Variants in SNAI1 observed in about 807,000 individuals in gnomAD.
The protein encoded by SNAI1 is zinc finger protein SNAI1.
In SNAI1, 15 loss-of-function variants were observed where a neutral mutation model predicts 24.7. The ratio of observed to expected loss-of-function variants is 0.61; its 90% CI spans 0.41 to 0.93. The LOEUF is 0.93. Among genes scored for constraint, SNAI1 ranks in the 40% least tolerant of loss-of-function variants. The pLI is 0.00. For missense variants in SNAI1, 283 were observed against 336.7 expected (o/e 0.84, Z 1.25); for synonymous variants, 163 against 142.9 (o/e 1.14, Z -1.00).
At chr20:49,986,276 C>T (rs1167697567) in intron 2 of SNAI1, among the ~76,000 whole-genome samples, 1 of 152,194 alleles carries the variant, frequency 6.6e-6, no homozygotes, top group Non-Finnish European at 1.5e-5. Context: ...CACCCCTCCC[C>T]CAATCCTCTA....
In SNAI1 at chr20:49,983,949, C is replaced by T. The variant is rs556428881; in HGVS notation, c.208C>T (p.Gln70Ter). The T allele has an allele frequency of 1.2e-6, 2 of 1,613,508 alleles. No homozygotes were observed. Among genetic ancestry groups the T allele is most frequent in the Non-Finnish European group, 1.7e-6 (2 of 1,179,950 alleles). The change falls in exon 2 of 3, where the codon CAG becomes TAG. Residue 70 changes from glutamine (Q) to a stop codon, truncating the protein, a stop_gained. Transcript: ENST00000244050. LOFTEE classifies it high-confidence loss of function. ...IWDSVLAPQA[Q>*]PIAWASLRLQ... ...GGACTCTGTCCTGGCGCCCCAAGCC[C>T]AGCCAATTGCCTGGGCCTCCCTTCG...
In SNAI1 at chr20:49,988,131, C is replaced by T; in HGVS notation, c.*75C>T. On this transcript the variant is annotated 3_prime_UTR_variant, in exon 3 of 3. Transcript: ENST00000244050. ...TCCCCAGCTCCAGCAGGAAGGACCCCACATCCTTCTCACTGCCATGGAATT... is the reference window on the plus strand; with the variant it reads ...TCCCCAGCTCCAGCAGGAAGGACCCTACATCCTTCTCACTGCCATGGAATT... 7.6e-7 allele frequency: 1 copy of T among 1,318,196 alleles called. No homozygotes were observed. The highest frequency in any genetic ancestry group is 1.0e-6 in the Non-Finnish European group (1 of 953,416). 81.7% of individuals were successfully genotyped at this position (1,318,196 alleles called of 1,614,324 possible). A position where few individuals can be genotyped will look rare whatever the true frequency, so the allele number is the denominator to read the frequency against.
intron 2 of SNAI1, among the ~76,000 whole-genome samples, chr20:49,987,310 C>T (rs894186039): frequency 1.3e-5 from 2 of 152,114 alleles, no homozygotes; most frequent in South Asian, 2.1e-4. Flanking sequence ...CTGGCTTTGG[C>T]CCCCAACAGA....
In SNAI1 at chr20:49,983,968, C is replaced by T; in HGVS notation, c.227C>T (p.Ser76Phe). The change falls in exon 2 of 3, where the codon TCC becomes TTC. Residue 76 changes from serine (S) to phenylalanine (F), a missense_variant. Physicochemically the swap from Ser to Phe is radical, Grantham distance 155. Transcript: ENST00000244050. The stretch of plus-strand genomic sequence containing the variant: ...CAAGCCCAGCCAATTGCCTGGGCCT[C>T]CCTTCGGCTCCAGGAGAGTCCCAGG... ...APQAQPIAWA[S>F]LRLQESPRVA... 1.2e-6 allele frequency: 2 copies of T among 1,613,640 alleles called. No individual in the cohort carries two copies. The highest frequency in any genetic ancestry group is 1.7e-6 in the Non-Finnish European group (2 of 1,179,980).
chr20:49,983,945 A>C lies in SNAI1; in HGVS notation c.204A>C (p.Gln68His), dbSNP rs754357479. 5 of 1,613,544 alleles carry C rather than the reference A, an allele frequency of 3.1e-6. No individual in the cohort carries two copies. The highest frequency in any genetic ancestry group is 1.7e-5 in the Admixed American group (1 of 60,010). Residue 68 changes from glutamine (Q) to histidine (H), a missense_variant, in exon 2 of 3, where the codon CAA (glutamine) becomes CAC (histidine). By Grantham distance (24) the Gln-to-His change is conservative. Coordinates refer to ENST00000244050, the MANE Select transcript of SNAI1 (RefSeq NM_005985.4). The stretch of plus-strand genomic sequence containing the variant: ...TCTGGGACTCTGTCCTGGCGCCCCA[A>C]GCCCAGCCAATTGCCTGGGCCTCCC... ...MLIWDSVLAPQAQPIAWASLR... is the reference protein window; with the variant it reads ...MLIWDSVLAPHAQPIAWASLR...
rs933152976 is a variant in SNAI1 at position 49,988,334 on chromosome 20, G to C, written c.*278G>C. On this transcript the variant is annotated 3_prime_UTR_variant, in exon 3 of 3. Transcript: ENST00000244050. ...ATTCCTGAGCTGGCCTGTCTGCGTG[G>C]GTTTTTGTATCCAGAGCTGTTTGGA... 7 of 405,166 alleles carry C rather than the reference G, an allele frequency of 1.7e-5. No individual in the cohort carries two copies. The highest frequency in any genetic ancestry group is 1.3e-3 in the Middle Eastern group (2 of 1,568). 25.1% of individuals were successfully genotyped at this position (405,166 alleles called of 1,614,324 possible).
chr20:49,983,054 A>G lies in SNAI1; in HGVS notation c.-6A>G, dbSNP rs763999832. ...GCGAATCGGCGACCCCAGTGCCTCGACCACTATGCCGCGCTCTTTCCTCGT... is the reference window on the plus strand; with the variant it reads ...GCGAATCGGCGACCCCAGTGCCTCGGCCACTATGCCGCGCTCTTTCCTCGT... On this transcript the variant is annotated 5_prime_UTR_variant, in exon 1 of 3. Coordinates refer to ENST00000244050, the MANE Select transcript of SNAI1 (RefSeq NM_005985.4). 4 of 1,612,544 alleles carry G rather than the reference A, an allele frequency of 2.5e-6. No homozygotes were observed. Among genetic ancestry groups the G allele is most frequent in the Admixed American group, 3.3e-5 (2 of 59,934 alleles).
In SNAI1 at chr20:49,983,019, C is replaced by A. The variant is rs199824234; in HGVS notation, c.-41C>A. On this transcript the variant is annotated 5_prime_UTR_variant, in exon 1 of 3. Transcript: ENST00000244050. ...CGGCCTAGCGAGTGGTTCTTCTGCG[C>A]TACTGCTGCGCGAATCGGCGACCCC... is the stretch of plus-strand genomic sequence containing the variant. 4.7e-6 allele frequency: 7 copies of A among 1,489,154 alleles called. No individual in the cohort carries two copies. The highest frequency in any genetic ancestry group is 4.8e-5 in the East Asian group (2 of 41,808). The allele number at this position is 1,489,154 out of a possible 1,614,324, so 92.2% of individuals were successfully genotyped here. A position where few individuals can be genotyped will look rare whatever the true frequency, so the allele number is the denominator to read the frequency against.
chr20:49,988,233 T>A lies in SNAI1; in HGVS notation c.*177T>A, dbSNP rs1049948768. 1.7e-5 allele frequency: 10 copies of A among 597,392 alleles called. No homozygotes were observed. Among genetic ancestry groups the A allele is most frequent in the African/African-American group, 1.3e-4 (7 of 52,728 alleles). 37.0% of individuals were successfully genotyped at this position (597,392 alleles called of 1,614,324 possible). On this transcript the variant is annotated 3_prime_UTR_variant, in exon 3 of 3. Transcript: ENST00000244050. ...AAGACCATTTTCTGGTTCTGTGTCC[T>A]CTGCCTGGGCTCTGGAAGAGGCCTT... is the stretch of plus-strand genomic sequence containing the variant.
Position 49,983,030 on chromosome 20 carries a change from C to T in SNAI1, c.-30C>T, listed in dbSNP as rs776870851. ...GTGGTTCTTCTGCGCTACTGCTGCG[C>T]GAATCGGCGACCCCAGTGCCTCGAC... On this transcript the variant is annotated 5_prime_UTR_variant, in exon 1 of 3. Coordinates refer to ENST00000244050, the MANE Select transcript of SNAI1 (RefSeq NM_005985.4). The T allele has an allele frequency of 1.3e-6, 2 of 1,578,372 alleles. No homozygotes were observed. Among genetic ancestry groups the T allele is most frequent in the East Asian group, 2.3e-5 (1 of 43,978 alleles).
Position 49,984,059 on chromosome 20 carries a change from C to G in SNAI1, c.318C>G (p.Pro106=), listed in dbSNP as rs1336590575. Residue 106 remains proline, a synonymous_variant, in exon 2 of 3, where the codon CCC becomes CCG. Coordinates refer to ENST00000244050, the MANE Select transcript of SNAI1 (RefSeq NM_005985.4). ...AAGGCTCCCAGCCCCCCAGCCCACC[C>G]TCACCGGCTCCTTCGTCCTTCTCCT... The part of the protein sequence containing the change: ...SGKGSQPPSP[P]SPAPSSFSST... The G allele has an allele frequency of 1.9e-6, 3 of 1,614,002 alleles. No homozygotes were observed. The highest frequency in any genetic ancestry group is 2.2e-5 in the South Asian group (2 of 91,096).
chr20:49,985,891 C>T (rs753057602), intron 2 of SNAI1, among the ~76,000 whole-genome samples: 3 of 152,232 alleles, frequency 2.0e-5, no homozygotes, highest in African/African-American at 4.8e-5. Context: ...GTCTGGGGGG[C>T]GAGGGATCCA....
rs939787304 is a variant in SNAI1, at chr20:49,988,158, C to T, written c.*102C>T. On this transcript the variant is annotated 3_prime_UTR_variant, in exon 3 of 3. Transcript: ENST00000244050. ...CATCCTTCTCACTGCCATGGAATTC[C>T]CTCCTGAGTGCCCCACTTCTGGCCA... 9.4e-7 allele frequency: 1 copy of T among 1,061,468 alleles called. No individual in the cohort carries two copies. The highest frequency in any genetic ancestry group is 1.6e-5 in the African/African-American group (1 of 62,238). The allele number at this position is 1,061,468 out of a possible 1,614,324, so 65.8% of individuals were successfully genotyped here.
intron 2 of SNAI1, among the ~76,000 whole-genome samples, chr20:49,987,487 C>T (rs965919166): frequency 6.6e-6 from 1 of 152,130 alleles, no homozygotes; most frequent in African/African-American, 2.4e-5. Context: ...GAAATGAGAC[C>T]ACAGTAGGAT....
chr20:49,986,445 A>G (rs918617737), intron 2 of SNAI1, among the ~76,000 whole-genome samples: 2 of 151,952 alleles, frequency 1.3e-5, no homozygotes, highest in Non-Finnish European at 2.9e-5. Flanking sequence ...CACCCTAGGC[A>G]CCCAGGAGGT....
intron 2 of SNAI1, 35 bp from the exon 3 acceptor site, chr20:49,987,837 C>T (rs369890190): frequency 3.2e-5 from 51 of 1,601,232 alleles, no homozygotes; most frequent in East Asian, 1.3e-4. Context: ...CGTTGTCCCA[C>T]GGCTCACTCG....
chr20:49,983,688 T>C, intron 1 of SNAI1, 136 bp from the exon 2 acceptor site: 1 of 843,436 alleles, frequency 1.2e-6, no homozygotes, highest in East Asian at 2.7e-5. Flanking sequence ...GAACCTGGTC[T>C]GTCCTGTGGA....
rs771343871 is a variant in SNAI1, at chr20:49,987,864, C to G, written c.611-8C>G. The stretch of plus-strand genomic sequence containing the variant: ...GCTCACTCGGCCTTTCTGGCGTTCT[C>G]TCCCCAGGCGAGAAGCCCTTCTCCT... On this transcript the variant is annotated splice_region_variant and splice_polypyrimidine_tract_variant and intron_variant, in intron 2 of 2. Transcript: ENST00000244050. 12 of 1,613,636 alleles carry G rather than the reference C, an allele frequency of 7.4e-6. No homozygotes were observed. The Admixed American group carries it at 1.8e-4, about 25-fold the overall frequency.
At chr20:49,983,714 AATT>A (rs2078324059) in intron 1 of SNAI1, 107 bp from the exon 2 acceptor site, 5 of 1,082,258 alleles carry the variant, frequency 4.6e-6, no homozygotes, top group Non-Finnish European at 6.6e-6. Flanking sequence ...TTTTTGATCT[AATT>A]ATGTATTGAG....
Sources: allele counts gnomAD v4.1 joint callset (sites outside exome capture counted in the v4.1 genomes callset), GRCh38; gene constraint gnomAD v4.1.1; transcripts MANE v1.5; gene names NCBI Gene and HGNC (gene_info 2026-07-23, HGNC 2026-07-21).